NR2C2: variants seen among roughly 807,000 people sequenced by gnomAD.
The protein encoded by NR2C2 is Nuclear hormone receptor TR4.
Under a neutral mutation model 62.9 loss-of-function variants are expected in NR2C2, and 6 were observed. That is an observed-to-expected ratio of 0.10 (90% CI 0.05 to 0.19). The LOEUF is 0.19. NR2C2 is among the 10% of genes least tolerant of loss of function. The pLI, the probability that NR2C2 is intolerant of heterozygous loss-of-function variation, is 1.00. For missense variants in NR2C2, 479 were observed against 762.7 expected (o/e 0.63, Z 4.38); for synonymous variants, 272 against 273.8 (o/e 0.99, Z 0.07).
intron 10 of NR2C2, 108 bp downstream of exon 10, chr3:15,032,608 C>A: frequency 2.2e-6 from 3 of 1,360,608 alleles, no homozygotes; most frequent in Non-Finnish European, 2.1e-6. Context: ...TTTCTATGAC[C>A]TCATTCAAAG....
At chr3:15,029,169 T>G (rs1318901033) in intron 8 of NR2C2, among the ~76,000 whole-genome samples, 4 of 151,470 alleles carry the variant, frequency 2.6e-5, no homozygotes, top group Non-Finnish European at 5.9e-5. Context: ...GGTCTAGAAC[T>G]CTTGGGCTCA....
chr3:14,982,867 T>A (rs192437244), intron 1 of NR2C2, among the ~76,000 whole-genome samples: 1 of 152,348 alleles, frequency 6.6e-6, no homozygotes, highest in Non-Finnish European at 1.5e-5. Context: ...ATTTCAACAA[T>A]TTGCTATGAG....
intron 1 of NR2C2, among the ~76,000 whole-genome samples, chr3:14,964,548 C>T (rs576609586): frequency 5.9e-5 from 9 of 152,082 alleles, no homozygotes; most frequent in African/African-American, 1.9e-4. Flanking sequence ...TGGAGTCTCG[C>T]TCTGTGCCGA....
intron 1 of NR2C2, among the ~76,000 whole-genome samples, chr3:14,952,085 G>A (rs887883354): frequency 6.6e-6 from 1 of 152,226 alleles, no homozygotes; most frequent in South Asian, 2.1e-4. Flanking sequence ...GGAGTAACAT[G>A]GCAAGGGCAG....
chr3:14,980,289 T>G (rs991781475), intron 1 of NR2C2, among the ~76,000 whole-genome samples: 1 of 151,220 alleles, frequency 6.6e-6, no homozygotes, highest in Non-Finnish European at 1.5e-5. Context: ...GAGCTAGGAT[T>G]ACAGGTGTGC....
At chr3:14,948,732 T>C (rs2039236641) in intron 1 of NR2C2, 1 of 152,256 alleles carries the variant, frequency 6.6e-6, no homozygotes, top group African/African-American at 2.4e-5. Context: ...ATAAAGGTGA[T>C]GAAGCATTTC....
chr3:14,949,640 C>G (rs775275664), intron 1 of NR2C2, among the ~76,000 whole-genome samples: 20 of 152,186 alleles, frequency 1.3e-4, no homozygotes, highest in Non-Finnish European at 1.9e-4. Flanking sequence ...TCGTCAGCCT[C>G]TTATATACAT....
chr3:15,039,788 A>G lies in NR2C2; in HGVS notation c.1616+561A>G, dbSNP rs372757328. On this transcript the variant is annotated intron_variant, in intron 13 of 13. Transcript: ENST00000425241. The stretch of plus-strand genomic sequence containing the variant: ...AGTCATTTTACCCTCAGATAAACTA[A>G]TGGAAAAAAGTTTGTTTGGGTGCAA... Among the ~76,000 whole-genome samples the G allele has an allele frequency of 7.2e-5, 11 of 152,340 alleles. No homozygotes were observed. In the East Asian group the frequency reaches 1.9e-3, roughly 27 times the overall value.
chr3:14,955,354 G>T (rs1288416780), intron 1 of NR2C2, among the ~76,000 whole-genome samples: 1 of 152,156 alleles, frequency 6.6e-6, no homozygotes, highest in Non-Finnish European at 1.5e-5. Flanking sequence ...CGACTTAGTG[G>T]TTGTGTATAT....
chr3:15,040,407 T>A (rs1221642632), intron 13 of NR2C2, among the ~76,000 whole-genome samples: 1 of 152,304 alleles, frequency 6.6e-6, no homozygotes, highest in Admixed American at 6.5e-5. Context: ...GGAACAAAAT[T>A]GACAGCCTGG....
chr3:14,972,637 C>T (rs1428413847), intron 1 of NR2C2, among the ~76,000 whole-genome samples: 2 of 152,104 alleles, frequency 1.3e-5, no homozygotes, highest in Non-Finnish European at 2.9e-5. Context: ...TGTAGTAGTC[C>T]ATTCTTGCAT....
chr3:14,966,917 A>G (rs2039873094), intron 1 of NR2C2, among the ~76,000 whole-genome samples: 1 of 152,186 alleles, frequency 6.6e-6, no homozygotes, highest in African/African-American at 2.4e-5. Context: ...TGTTTTTTGA[A>G]ATTGTTTATA....
intron 1 of NR2C2, among the ~76,000 whole-genome samples, chr3:14,975,671 A>G (rs1379246304): frequency 6.6e-6 from 1 of 152,058 alleles, no homozygotes; most frequent in East Asian, 1.9e-4. Flanking sequence ...AATAATTTAT[A>G]GTTTTCTTTT....
chr3:14,999,169 A>C (rs2040915220), intron 1 of NR2C2, among the ~76,000 whole-genome samples: 2 of 152,270 alleles, frequency 1.3e-5, no homozygotes, highest in African/African-American at 4.8e-5. Flanking sequence ...ATACAAAATT[A>C]GCCTGGTGTG....
At position 14,982,752 on chromosome 3, in the gene NR2C2, TTA is replaced by T. The variant is rs1172851255; in HGVS notation, c.-39-21122_-39-21121del. ...AGTCTTATCTTTTTCTTTCTAATCC[TTA>T]TGTTTTTGTCTTGACTTATTCTGGC... is the stretch of plus-strand genomic sequence containing the variant. On this transcript the variant is annotated intron_variant, in intron 1 of 13. Transcript: ENST00000425241. Among the ~76,000 whole-genome samples the T allele has an allele frequency of 2.0e-5, 3 of 152,166 alleles. No homozygotes were observed. The East Asian group carries it at 5.8e-4, about 29-fold the overall frequency.
At chr3:14,999,069 C>G (rs764851748) in intron 1 of NR2C2, among the ~76,000 whole-genome samples, 4 of 152,156 alleles carry the variant, frequency 2.6e-5, no homozygotes, top group Non-Finnish European at 4.4e-5. Context: ...GTAATCCCAG[C>G]ACTTTGGGAG....
intron 1 of NR2C2, among the ~76,000 whole-genome samples, chr3:14,967,807 A>C (rs2039901178): frequency 6.6e-6 from 1 of 152,220 alleles, no homozygotes; most frequent in Non-Finnish European, 1.5e-5. Flanking sequence ...TCAATGCAAC[A>C]GAACAGAGCC....
At chr3:14,961,176 A>G (rs1199000691) in intron 1 of NR2C2, among the ~76,000 whole-genome samples, 1 of 152,192 alleles carries the variant, frequency 6.6e-6, no homozygotes, top group Non-Finnish European at 1.5e-5. Context: ...TCACAGTTTC[A>G]TCCTCCTGTT....
intron 7 of NR2C2, chr3:15,025,814 C>T (rs1575023116): frequency 6.6e-6 from 1 of 152,178 alleles, no homozygotes; most frequent in Admixed American, 6.5e-5. Context: ...ATATTTCACT[C>T]TTCTTCAACT....
Sources: gnomAD v4.1 joint callset for allele counts (sites outside exome capture counted in the v4.1 genomes callset) on GRCh38, gnomAD v4.1.1 for gene constraint, MANE v1.5 for transcripts, NCBI Gene and HGNC (gene_info 2026-07-23, HGNC 2026-07-21) for gene names.